ITGA9: variants seen among roughly 807,000 people sequenced by gnomAD.
ITGA9 encodes integrin subunit alpha 9.
Under a neutral mutation model 127.8 loss-of-function variants are expected in ITGA9, and 56 were observed. The ratio of observed to expected loss-of-function variants is 0.44; its 90% confidence interval spans 0.35 to 0.55. The LOEUF (loss-of-function observed/expected upper bound fraction) is 0.55, where lower values mean the gene tolerates loss of function less well. Among genes scored for constraint, ITGA9 ranks in the 20% least tolerant of loss-of-function variants. ITGA9 has a pLI of 0.00. For synonymous variants in ITGA9, 508 were observed against 514.5 expected, an observed-to-expected ratio of 0.99 and a Z score of 0.17; for missense variants, 1,196 against 1,347.1, an observed-to-expected ratio of 0.89 and a Z score of 1.76.
Position 37,732,758 on chromosome 3 carries a change from A to C in ITGA9, c.2114A>C (p.Lys705Thr), listed in dbSNP as rs993300298. Residue 705 changes from lysine to threonine, a missense_variant, in exon 19 of 28, where the codon AAA (lysine) becomes ACA (threonine). By Grantham distance (78) the Lys-to-Thr change is moderately conservative. Transcript: ENST00000264741. ...SCELLESDFL[K>T]CSVGFPFMRS... is the part of the protein sequence containing the mutation. Reference sequence around the variant, plus strand: ...GAGCTGCTGGAATCGGACTTCCTCAAATGCAGCGTGGGATTTCCTTTCATG... The same window carrying C: ...GAGCTGCTGGAATCGGACTTCCTCACATGCAGCGTGGGATTTCCTTTCATG... The C allele has an allele frequency of 1.2e-6, 2 of 1,611,598 alleles. No individual in the cohort carries two copies. Among genetic ancestry groups the C allele is most frequent in the African/African-American group, 1.3e-5 (1 of 74,896 alleles).
At chr3:37,634,518 A>G (rs1363631151) in intron 16 of ITGA9, among the ~76,000 whole-genome samples, 5 of 152,216 alleles carry the variant, frequency 3.3e-5, no homozygotes, top group Admixed American at 2.6e-4. Context: ...TCATTATACA[A>G]TGATAAAGGG....
intron 15 of ITGA9, among the ~76,000 whole-genome samples, chr3:37,602,932 G>A (rs7617277): frequency 0.82 from 124,177 of 152,200 alleles, 51,330 homozygotes; most frequent in African/African-American, 0.94. Context: ...ATTTTTGGCT[G>A]CTACCCTCTA....
At chr3:37,533,932 G>T (rs145383681) in intron 14 of ITGA9, among the ~76,000 whole-genome samples, 1 of 152,182 alleles carries the variant, frequency 6.6e-6, no homozygotes, top group African/African-American at 2.4e-5. Context: ...GGTGGGATTC[G>T]GATGCTGGTG....
chr3:37,545,471 GCTAA>G (rs1215305941), intron 15 of ITGA9, among the ~76,000 whole-genome samples: 1 of 152,086 alleles, frequency 6.6e-6, no homozygotes, highest in Non-Finnish European at 1.5e-5. Flanking sequence ...TGTTTTCCAG[GCTAA>G]CTGTCTTGTA....
At chr3:37,707,558 C>G (rs1701020572) in intron 18 of ITGA9, among the ~76,000 whole-genome samples, 1 of 152,036 alleles carries the variant, frequency 6.6e-6, no homozygotes, top group South Asian at 2.1e-4. Context: ...AATGTCATTC[C>G]TCAGCCCCCA....
chr3:37,585,761 C>T (rs2125612259), intron 15 of ITGA9: 1 of 385,468 alleles, frequency 2.6e-6, no homozygotes, highest in Non-Finnish European at 5.3e-6. Context: ...CTCCATAGAG[C>T]AGTGTATTTG....
chr3:37,750,532 C>T lies in ITGA9; in HGVS notation c.2504C>T (p.Ser835Phe). The T allele has an allele frequency of 3.7e-6, 6 of 1,613,608 alleles. No homozygotes were observed. The highest frequency in any genetic ancestry group is 3.4e-6 in the Non-Finnish European group (4 of 1,179,464). The part of the protein sequence containing the change: ...VSISFPNRLS[S>F]GGAEMFHVQE... ...ATCTCTTTCCCTAATCGACTCTCAT[C>T]TGGTGGTGCAGAGATGTTTCATGTC... Residue 835 changes from serine to phenylalanine, a missense_variant, in exon 23 of 28, where the codon TCT becomes TTT. Transcript: ENST00000264741.
chr3:37,549,535 C>T (rs1399741792), intron 15 of ITGA9, among the ~76,000 whole-genome samples: 1 of 152,184 alleles, frequency 6.6e-6, no homozygotes, highest in Non-Finnish European at 1.5e-5. Flanking sequence ...TATTCATTTA[C>T]ACTGGGTTCA....
chr3:37,477,396 T>C (rs1456378987), intron 3 of ITGA9, among the ~76,000 whole-genome samples: 1 of 152,198 alleles, frequency 6.6e-6, no homozygotes. Flanking sequence ...AATGTCTCAG[T>C]GACCAAAGGC....
At chr3:37,566,984 G>C (rs889500004) in intron 15 of ITGA9, among the ~76,000 whole-genome samples, 4 of 152,176 alleles carry the variant, frequency 2.6e-5, no homozygotes, top group African/African-American at 9.7e-5. Context: ...CCTGGGTTCT[G>C]CTTTCATTAG....
chr3:37,643,233 T>C (rs1293185628), intron 16 of ITGA9, among the ~76,000 whole-genome samples: 2 of 152,202 alleles, frequency 1.3e-5, no homozygotes, highest in Non-Finnish European at 2.9e-5. Flanking sequence ...CCTACTCTTA[T>C]GGGTATCAGC....
At position 37,780,012 on chromosome 3, in the gene ITGA9, A is replaced by G; in HGVS notation, c.2778A>G (p.Ile926Met). The change falls in exon 25 of 28, where the codon ATA (isoleucine) becomes ATG (methionine). Residue 926 changes from isoleucine (I) to methionine (M), a missense_variant. Coordinates refer to ENST00000264741, the MANE Select transcript of ITGA9 (RefSeq NM_002207.3). ...IDIYMLLNTE[I>M]LKKDSSSVIQ... ...TTTACATGCTGCTGAACACAGAAATACTGAAAAAGGTAAGCCCTAATGAAC... is the reference window on the plus strand; with the variant it reads ...TTTACATGCTGCTGAACACAGAAATGCTGAAAAAGGTAAGCCCTAATGAAC... 1 of 1,614,110 alleles carries G rather than the reference A, an allele frequency of 6.2e-7. No homozygotes were observed. The highest frequency in any genetic ancestry group is 2.2e-5 in the East Asian group (1 of 44,872).
chr3:37,641,481 A>G (rs1469669381), intron 16 of ITGA9, among the ~76,000 whole-genome samples: 1 of 152,006 alleles, frequency 6.6e-6, no homozygotes, highest in Non-Finnish European at 1.5e-5. Flanking sequence ...CAGAGGGAGA[A>G]GATCTGGGGA....
chr3:37,577,915 C>G (rs1475712046), intron 15 of ITGA9, among the ~76,000 whole-genome samples: 2 of 152,194 alleles, frequency 1.3e-5, no homozygotes, highest in African/African-American at 4.8e-5. Flanking sequence ...TCAGTATTAT[C>G]TCATGCTGTC....
intron 17 of ITGA9, among the ~76,000 whole-genome samples, chr3:37,664,420 C>CTTTTT (rs35312679): frequency 4.4e-5 from 5 of 114,902 alleles, no homozygotes; most frequent in East Asian, 2.5e-4. Context: ...TCAGCACATT[C>CTTTTT]TTTTTTTTTT....
At chr3:37,476,451 G>A (rs1698495416) in intron 3 of ITGA9, among the ~76,000 whole-genome samples, 1 of 151,854 alleles carries the variant, frequency 6.6e-6, no homozygotes, top group African/African-American at 2.4e-5. Flanking sequence ...TAGTAACATT[G>A]AGCATTGTTT....
At chr3:37,556,801 T>A (rs1367288572) in intron 15 of ITGA9, among the ~76,000 whole-genome samples, 2 of 152,202 alleles carry the variant, frequency 1.3e-5, no homozygotes, top group African/African-American at 4.8e-5. Flanking sequence ...AGGGGCCAGA[T>A]GCCTCTCTCC....
At position 37,491,035 on chromosome 3, in the gene ITGA9, G is replaced by A. The variant is rs189226325; in HGVS notation, c.545-3466G>A. On this transcript the variant is annotated intron_variant, in intron 4 of 27. Transcript: ENST00000264741. Reference sequence around the variant, plus strand: ...TCTGTTGCCCAGGCTGGAGTGCAGCGGCATGATCGTGGCTCACTGCAACCT... The same window carrying A: ...TCTGTTGCCCAGGCTGGAGTGCAGCAGCATGATCGTGGCTCACTGCAACCT... Among the ~76,000 whole-genome samples, 316 of 146,984 alleles carry A rather than the reference G, an allele frequency of 2.1e-3. 3 individuals are homozygous for A. The highest frequency in any genetic ancestry group is 7.5e-3 in the African/African-American group (294 of 39,402).
chr3:37,619,484 A>C (rs1021643512), intron 15 of ITGA9, among the ~76,000 whole-genome samples: 7 of 152,350 alleles, frequency 4.6e-5, no homozygotes, highest in Middle Eastern at 3.4e-3. Flanking sequence ...GTCTAGCCTC[A>C]GCCTGATCCC....
Sources: allele counts gnomAD v4.1 joint callset (sites outside exome capture counted in the v4.1 genomes callset), GRCh38; gene constraint gnomAD v4.1.1; transcripts MANE v1.5; gene names NCBI Gene and HGNC (gene_info 2026-07-23, HGNC 2026-07-21).